Variants in HS3ST2 observed in about 807,000 individuals in gnomAD.
HS3ST2 encodes the protein heparan sulfate-glucosamine 3-sulfotransferase 2, also known as heparan sulfate glucosamine 3-O-sulfotransferase 2.
HS3ST2 carries 17 observed loss-of-function variants against 26.3 expected under a neutral mutation model. The observed-to-expected ratio is 0.65, with a 90% CI of 0.44 to 0.97. The LOEUF is 0.97. HS3ST2 is among the 50% of genes least tolerant of loss of function. The probability of loss-of-function intolerance (pLI) is 0.00; values close to 1 mark genes in which losing one functional copy is unlikely to be tolerated. For missense variants in HS3ST2, 402 were observed against 501.2 expected (o/e 0.80, Z 1.89); for synonymous variants, 237 against 219.2 (o/e 1.08, Z -0.72).
At chr16:22,870,939 A>C (rs1009594392) in intron 1 of HS3ST2, among the ~76,000 whole-genome samples, 1 of 152,228 alleles carries the variant, frequency 6.6e-6, no homozygotes, top group African/African-American at 2.4e-5. Context: ...CGACTTTATG[A>C]TGGTGGAAAA....
At chr16:22,834,607 C>G (rs571282899) in intron 1 of HS3ST2, among the ~76,000 whole-genome samples, 18 of 151,964 alleles carry the variant, frequency 1.2e-4, no homozygotes, top group Non-Finnish European at 2.6e-4. Flanking sequence ...CAGCAAGTAT[C>G]GTACCCAATG....
chr16:22,845,487 G>T (rs534477444), intron 1 of HS3ST2, among the ~76,000 whole-genome samples: 18 of 150,346 alleles, frequency 1.2e-4, no homozygotes, highest in Non-Finnish European at 2.6e-4. Flanking sequence ...GAGTAGCTGG[G>T]ATTACAGGCA....
chr16:22,882,606 C>T (rs1470583355), intron 1 of HS3ST2, among the ~76,000 whole-genome samples: 6 of 152,124 alleles, frequency 3.9e-5, no homozygotes, highest in African/African-American at 1.4e-4. Context: ...TGGTGGCATG[C>T]GCCTATAGTC....
rs1256305433 is a variant in HS3ST2 at position 22,915,559 on chromosome 16, A to G, written c.1101A>G (p.Glu367=). ...CCGTTGGGCAGGACTTCAGGTGGGA[A>G]TAAGCCCACGAAAGGAAAGGGCTCT... ...YETVGQDFRW[E] Residue 367 remains glutamate (E), a synonymous_variant, in exon 2 of 2, where the codon GAA becomes GAG. Transcript: ENST00000261374. The G allele has an allele frequency of 6.2e-7, 1 of 1,610,316 alleles. No individual in the cohort carries two copies. The highest frequency in any genetic ancestry group is 8.5e-7 in the Non-Finnish European group (1 of 1,178,006).
intron 1 of HS3ST2, among the ~76,000 whole-genome samples, chr16:22,826,382 C>T (rs923809567): frequency 6.6e-6 from 1 of 152,168 alleles, no homozygotes; most frequent in Non-Finnish European, 1.5e-5. Flanking sequence ...CATGTCCCAG[C>T]TCCAATGTCA....
intron 1 of HS3ST2, among the ~76,000 whole-genome samples, chr16:22,905,039 C>T (rs944170991): frequency 9.2e-5 from 14 of 152,162 alleles, no homozygotes; most frequent in Non-Finnish European, 8.8e-5. Flanking sequence ...CCTCCTCTTC[C>T]GCTCTTAATT....
rs538593972 is a variant in HS3ST2, at chr16:22,875,369, A to AATTTATTT, written c.486-39553_486-39546dup. On this transcript the variant is annotated intron_variant, in intron 1 of 1. Coordinates refer to ENST00000261374, the MANE Select transcript of HS3ST2 (RefSeq NM_006043.2). ...TGAAGACAGAAAAATACTTTTAATA[A>AATTTATTT]ATTTATTTATTTATTTATTTATTTA... Among the ~76,000 whole-genome samples the AATTTATTT allele has an allele frequency of 9.4e-4, 143 of 151,610 alleles. 1 individual carries two copies. Among genetic ancestry groups the AATTTATTT allele is most frequent in the African/African-American group, 3.3e-3 (138 of 41,388 alleles).
At chr16:22,874,856 G>A (rs1901891395) in intron 1 of HS3ST2, among the ~76,000 whole-genome samples, 1 of 152,210 alleles carries the variant, frequency 6.6e-6, no homozygotes, top group Admixed American at 6.5e-5. Context: ...AGTTGATAAA[G>A]TGGTCAGGAC....
intron 1 of HS3ST2, among the ~76,000 whole-genome samples, chr16:22,840,540 G>A (rs921661968): frequency 7.9e-5 from 12 of 152,164 alleles, no homozygotes; most frequent in African/African-American, 1.9e-4. Flanking sequence ...GTGCCACCAC[G>A]CCTGGCTAAT....
intron 1 of HS3ST2, among the ~76,000 whole-genome samples, chr16:22,829,299 G>A (rs1050703993): frequency 6.6e-6 from 1 of 152,190 alleles, no homozygotes; most frequent in Non-Finnish European, 1.5e-5. Flanking sequence ...AATGAATGAA[G>A]TTGGCTGTGG....
At chr16:22,860,316 C>T (rs151141070) in intron 1 of HS3ST2, among the ~76,000 whole-genome samples, 1 of 152,138 alleles carries the variant, frequency 6.6e-6, no homozygotes, top group African/African-American at 2.4e-5. Context: ...CATCAGATCT[C>T]GTGAGACTTA....
intron 1 of HS3ST2, among the ~76,000 whole-genome samples, chr16:22,913,387 C>T: frequency 6.6e-6 from 1 of 152,060 alleles, no homozygotes; most frequent in East Asian, 1.9e-4. Context: ...TCAAGCAGAG[C>T]CAGGAAATTA....
chr16:22,861,208 ATCATAGTT>A (rs1015986765), intron 1 of HS3ST2, among the ~76,000 whole-genome samples: 10 of 152,180 alleles, frequency 6.6e-5, no homozygotes, highest in Admixed American at 6.5e-4. Flanking sequence ...ATAGTTGTAT[ATCATAGTT>A]TTGATATATA....
chr16:22,857,787 A>G (rs1019397184), intron 1 of HS3ST2, among the ~76,000 whole-genome samples: 3 of 152,324 alleles, frequency 2.0e-5, no homozygotes, highest in Admixed American at 1.3e-4. Context: ...CTGGAGCCCA[A>G]TTATGGCTGC....
At chr16:22,911,160 G>A (rs1247855153) in intron 1 of HS3ST2, among the ~76,000 whole-genome samples, 1 of 152,204 alleles carries the variant, frequency 6.6e-6, no homozygotes, top group African/African-American at 2.4e-5. Flanking sequence ...ATTTGTAAGT[G>A]ACAGCAATTT....
chr16:22,903,665 C>T (rs1165915869), intron 1 of HS3ST2, among the ~76,000 whole-genome samples: 5 of 152,130 alleles, frequency 3.3e-5, no homozygotes, highest in East Asian at 1.9e-4. Context: ...CAAAGATAAG[C>T]GAGGTGCAGT....
chr16:22,833,518 C>T lies in HS3ST2; in HGVS notation c.485+18423C>T, dbSNP rs149587816. 1,285 of 363,960 alleles carry T rather than the reference C, an allele frequency of 3.5e-3. 18 individuals carry two copies. Among genetic ancestry groups the T allele is most frequent in the South Asian group, 0.014 (691 of 48,260 alleles). 22.5% of individuals were successfully genotyped at this position (363,960 alleles called of 1,614,324 possible). On this transcript the variant is annotated intron_variant, in intron 1 of 1. Coordinates refer to ENST00000261374, the MANE Select transcript of HS3ST2 (RefSeq NM_006043.2). ...GCAGAGGATGGTGTCACTTCATAAA[C>T]CATGGTGTGGTAGAGGGGAGGCACA...
chr16:22,818,720 CT>C (rs546208545), intron 1 of HS3ST2, among the ~76,000 whole-genome samples: 963 of 67,596 alleles, frequency 0.014, 79 homozygotes, highest in African/African-American at 0.066. Context: ...TCCTTCCTTC[CT>C]TCCCTCCCTC....
At chr16:22,852,634 C>G (rs1901533528) in intron 1 of HS3ST2, among the ~76,000 whole-genome samples, 1 of 152,196 alleles carries the variant, frequency 6.6e-6, no homozygotes, top group Non-Finnish European at 1.5e-5. Context: ...CCTCCCAAGG[C>G]CTGCCCCTTC....
Sources: gnomAD v4.1 joint callset for allele counts (sites outside exome capture counted in the v4.1 genomes callset) on GRCh38, gnomAD v4.1.1 for gene constraint, MANE v1.5 for transcripts, NCBI Gene and HGNC (gene_info 2026-07-23, HGNC 2026-07-21) for gene names.